PIEZO2: variants seen among roughly 807,000 people sequenced by gnomAD.
PIEZO2 encodes the protein piezo-type mechanosensitive ion channel component 2.
In PIEZO2, 172 loss-of-function variants were observed where a neutral mutation model predicts 337.3. The observed-to-expected ratio is 0.51, with a 90% confidence interval of 0.45 to 0.58. The LOEUF (loss-of-function observed/expected upper bound fraction) is 0.58. PIEZO2 is among the 20% of genes least tolerant of loss of function. PIEZO2 has a pLI of 0.00. For synonymous variants in PIEZO2, 1,251 were observed against 1,228.5 expected (o/e 1.02, Z -0.38); for missense variants, 3,028 against 3,391.3 (o/e 0.89, Z 2.66).
Position 10,929,981 on chromosome 18 carries a change from A to G in PIEZO2, c.287-18753T>C, listed in dbSNP as rs1043480511. On this transcript the variant is annotated intron_variant, in intron 3 of 55. Transcript: ENST00000674853. The surrounding 1 kb of genome is among the most constrained non-coding windows in gnomAD (Gnocchi z 5.6). ...CTTTGGAGTTGAGGCACCACGGACCAGCATTAACATTAAAACAGAGATCCT... is the reference window on the plus strand; with the variant it reads ...CTTTGGAGTTGAGGCACCACGGACCGGCATTAACATTAAAACAGAGATCCT... Among the ~76,000 whole-genome samples the G allele has an allele frequency of 5.9e-5, 9 of 152,220 alleles. No homozygotes were observed. Among genetic ancestry groups the G allele is most frequent in the African/African-American group, 2.2e-4 (9 of 41,458 alleles).
At chr18:10,825,550 CTTTT>C (rs57159292) in intron 7 of PIEZO2, among the ~76,000 whole-genome samples, 9 of 113,824 alleles carry the variant, frequency 7.9e-5, no homozygotes, top group Non-Finnish European at 1.4e-4. Flanking sequence ...TCCTTTCTTC[CTTTT>C]TTTTTTTTTT....
chr18:10,972,470 A>G (rs1354006130), intron 3 of PIEZO2, among the ~76,000 whole-genome samples: 1 of 152,114 alleles, frequency 6.6e-6, no homozygotes, highest in Non-Finnish European at 1.5e-5. Context: ...GGGCAGGTGG[A>G]GTGAGAGACT....
At chr18:10,756,254 G>A (rs1006547333) in intron 27 of PIEZO2, among the ~76,000 whole-genome samples, 7 of 150,242 alleles carry the variant, frequency 4.7e-5, no homozygotes, top group Non-Finnish European at 8.9e-5. Flanking sequence ...AGGGATAAAG[G>A]ATGAGAATGA....
intron 3 of PIEZO2, among the ~76,000 whole-genome samples, chr18:10,955,820 T>C (rs1224101989): frequency 6.6e-6 from 1 of 152,236 alleles, no homozygotes; most frequent in Non-Finnish European, 1.5e-5. Context: ...TTATATGTTT[T>C]CCACATTATA....
intron 14 of PIEZO2, among the ~76,000 whole-genome samples, chr18:10,790,698 A>G (rs2039378462): frequency 2.1e-5 from 3 of 141,876 alleles, no homozygotes; most frequent in Non-Finnish European, 3.0e-5. Context: ...GTGAGGATCA[A>G]ATGGCACTTT....
rs1440317609 is a variant in PIEZO2, at chr18:10,681,581, T to C, written c.7779+80A>G. ...TCCTCCTTCCCACCACCTCAGGCCATGGCAAAGCATTAAATGACAATGAGT... is the reference window on the plus strand; with the variant it reads ...TCCTCCTTCCCACCACCTCAGGCCACGGCAAAGCATTAAATGACAATGAGT... On this transcript the variant is annotated intron_variant, in intron 51 of 55. Coordinates refer to ENST00000674853, the MANE Select transcript of PIEZO2 (RefSeq NM_001378183.1). The C allele has an allele frequency of 2.7e-5, 33 of 1,218,782 alleles. No individual in the cohort carries two copies. The South Asian group carries it at 3.0e-4, about 11-fold the overall frequency. The allele number at this position is 1,218,782 out of a possible 1,614,324, so 75.5% of individuals were successfully genotyped here.
rs1053698142 is a variant in PIEZO2 at position 10,707,885 on chromosome 18, A to G, written c.5588+390T>C. 5.8e-4 allele frequency among the ~76,000 whole-genome samples: 89 copies of G among 152,340 alleles called. 1 individual carries two copies. Among genetic ancestry groups the G allele is most frequent in the African/African-American group, 2.1e-3 (88 of 41,574 alleles). ...CCTACTGCATGCATCTTTTGATTACATCAAGAGAAGAAGTTTTCTACCTTT... is the reference window on the plus strand; with the variant it reads ...CCTACTGCATGCATCTTTTGATTACGTCAAGAGAAGAAGTTTTCTACCTTT... On this transcript the variant is annotated intron_variant, in intron 40 of 55. Coordinates refer to ENST00000674853, the MANE Select transcript of PIEZO2 (RefSeq NM_001378183.1). The surrounding 1 kb of genome is among the most constrained non-coding windows in gnomAD (Gnocchi z 4.2).
intron 1 of PIEZO2, among the ~76,000 whole-genome samples, chr18:11,108,591 G>A (rs1341778009): frequency 1.5e-5 from 2 of 136,728 alleles, no homozygotes; most frequent in Non-Finnish European, 3.1e-5. Context: ...TCCAGCCTGG[G>A]CAACAGAGCC....
chr18:10,725,090 C>G (rs868407156), intron 36 of PIEZO2: 2 of 1,497,312 alleles, frequency 1.3e-6, no homozygotes, highest in Middle Eastern at 1.7e-4. Context: ...TTCTTTCAGT[C>G]GCATTACACC....
chr18:10,724,542 A>G lies in PIEZO2; in HGVS notation c.5030-6283T>C. ...CACACCCACTCATGCTGGTCTCCAC[A>G]TACCCTTCTGTGTCCCCAGAAGTCG... On this transcript the variant is annotated intron_variant, in intron 36 of 55. Coordinates refer to ENST00000674853, the MANE Select transcript of PIEZO2 (RefSeq NM_001378183.1). This position sits in a 1 kb window ranked among gnomAD's most constrained non-coding sequence, Gnocchi z 5.8. 1.9e-6 allele frequency: 1 copy of G among 536,458 alleles called. No homozygotes were observed. Among genetic ancestry groups the G allele is most frequent in the Non-Finnish European group, 3.4e-6 (1 of 297,744 alleles). The allele number at this position is 536,458 out of a possible 1,614,324, so 33.2% of individuals were successfully genotyped here. A position where few individuals can be genotyped will look rare whatever the true frequency, so the allele number is the denominator to read the frequency against.
chr18:10,964,802 T>C (rs932768107), intron 3 of PIEZO2, among the ~76,000 whole-genome samples: 7 of 152,230 alleles, frequency 4.6e-5, no homozygotes, highest in African/African-American at 1.7e-4. Context: ...CTGCTTTCTG[T>C]CCTTATGGAC....
At chr18:11,061,119 G>A (rs972459687) in intron 2 of PIEZO2, among the ~76,000 whole-genome samples, 18 of 152,120 alleles carry the variant, frequency 1.2e-4, no homozygotes, top group Admixed American at 3.3e-4. Flanking sequence ...ATCAATAAAC[G>A]TAATCCAGCA....
At position 11,028,755 on chromosome 18, in the gene PIEZO2, T is replaced by C. The variant is rs2036626864; in HGVS notation, c.160+37372A>G. Among the ~76,000 whole-genome samples, 1 of 152,210 alleles carries C rather than the reference T, an allele frequency of 6.6e-6. No individual in the cohort carries two copies. Among genetic ancestry groups the C allele is most frequent in the Admixed American group, 6.5e-5 (1 of 15,284 alleles). The stretch of plus-strand genomic sequence containing the variant: ...AATCTGATCAGGTCTGAATAATACA[T>C]GGCCAGCCAGCGTTGGCCATGGTGC... On this transcript the variant is annotated intron_variant, in intron 2 of 55. Transcript: ENST00000674853. This position sits in a 1 kb window ranked among gnomAD's most constrained non-coding sequence, Gnocchi z 4.8.
rs1351823478 is a variant in PIEZO2, at chr18:10,790,849, C to G, written c.1882+352G>C. On this transcript the variant is annotated intron_variant, in intron 14 of 55. Coordinates refer to ENST00000674853, the MANE Select transcript of PIEZO2 (RefSeq NM_001378183.1). ...CCTCCTGAGTAGCTGGGACTACAGGCGCCCACCACTACGCCCGGCTAGTTT... is the reference window on the plus strand; with the variant it reads ...CCTCCTGAGTAGCTGGGACTACAGGGGCCCACCACTACGCCCGGCTAGTTT... Among the ~76,000 whole-genome samples the G allele has an allele frequency of 2.0e-5, 3 of 152,028 alleles. No homozygotes were observed. The South Asian group carries it at 6.2e-4, about 32-fold the overall frequency.
rs1057481915 is a variant in PIEZO2, at chr18:10,954,843, T to C, written c.286+24692A>G. 2.0e-5 allele frequency among the ~76,000 whole-genome samples: 3 copies of C among 152,214 alleles called. No homozygotes were observed. The highest frequency in any genetic ancestry group is 4.8e-5 in the African/African-American group (2 of 41,452). On this transcript the variant is annotated intron_variant, in intron 3 of 55. Transcript: ENST00000674853. The surrounding 1 kb of genome is among the most constrained non-coding windows in gnomAD (Gnocchi z 4.2). ...AAGGCCTTCTTCTCTCATTTCTCTC[T>C]GATGTTAGTAATGTTTTCCTTGATC...
Position 10,677,358 on chromosome 18 carries a change from C to CTGTGCACATCCCAAGT in PIEZO2, c.8081+388_8081+389insACTTGGGATGTGCACA. 6.6e-6 allele frequency among the ~76,000 whole-genome samples: 1 copy of CTGTGCACATCCCAAGT among 152,116 alleles called. No individual in the cohort carries two copies. Among genetic ancestry groups the CTGTGCACATCCCAAGT allele is most frequent in the African/African-American group, 2.4e-5 (1 of 41,420 alleles). The stretch of plus-strand genomic sequence containing the variant: ...TCAGGCTCCCAAGTAGCTGGGAGTA[C>CTGTGCACATCCCAAGT]AGATGTGCACCACCACGCTTAGCTA... On this transcript the variant is annotated intron_variant, in intron 53 of 55. Transcript: ENST00000674853. This position sits in a 1 kb window ranked among gnomAD's most constrained non-coding sequence, Gnocchi z 4.1.
In PIEZO2 at chr18:10,789,156, CGAA is replaced by C; in HGVS notation, c.2089_2091del (p.Phe697del). On this transcript the variant is annotated inframe_deletion, in exon 15 of 56. Coordinates refer to ENST00000674853, the MANE Select transcript of PIEZO2 (RefSeq NM_001378183.1). Reference sequence around the variant, plus strand: ...ATTACGATTTTACCCTCGAAGCTGACGAAGAAGAACATGCCTCCGCAGACGTAG... The same window carrying C: ...ATTACGATTTTACCCTCGAAGCTGACGAAGAACATGCCTCCGCAGACGTAG... The C allele has an allele frequency of 2.6e-6, 4 of 1,537,262 alleles. No homozygotes were observed. Among genetic ancestry groups the C allele is most frequent in the South Asian group, 1.2e-5 (1 of 84,058 alleles).
Position 11,148,750 on chromosome 18 carries a change from A to T in PIEZO2, c.-162T>A. Reference sequence around the variant, plus strand: ...CCGCGACGCTCTCCGCCCCGAGGGCACGCTCCCGGGGCTCTTGGCCGCCCC... The same window carrying T: ...CCGCGACGCTCTCCGCCCCGAGGGCTCGCTCCCGGGGCTCTTGGCCGCCCC... On this transcript the variant is annotated 5_prime_UTR_variant, in exon 1 of 56. Transcript: ENST00000674853. The surrounding 1 kb of genome is among the most constrained non-coding windows in gnomAD (Gnocchi z 5.2). The T allele has an allele frequency of 1.4e-6, 1 of 698,466 alleles. No individual in the cohort carries two copies. 43.3% of individuals were successfully genotyped at this position (698,466 alleles called of 1,614,324 possible). A position where few individuals can be genotyped will look rare whatever the true frequency, so the allele number is the denominator to read the frequency against.
Position 10,758,129 on chromosome 18 carries a change from A to C in PIEZO2, c.3763T>G (p.Phe1255Val). 1 of 1,537,488 alleles carries C rather than the reference A, an allele frequency of 6.5e-7. No individual in the cohort carries two copies. Among genetic ancestry groups the C allele is most frequent in the Non-Finnish European group, 8.7e-7 (1 of 1,146,828 alleles). The change falls in exon 27 of 56, where the codon TTC becomes GTC. Residue 1255 changes from phenylalanine to valine, a missense_variant. This residue lies in a region of PIEZO2 where 1,925 missense variants were observed against 2,051.9 expected (regional missense o/e 0.94). Coordinates refer to ENST00000674853, the MANE Select transcript of PIEZO2 (RefSeq NM_001378183.1). ...AAGGAGGCACACAGAAGCAGCATGA[A>C]GTCATCTAACAAGACAGAGGTGAGA... ...RPNPVFLVYD[F>V]MLLLCASLQR...
Sources: gnomAD v4.1 joint callset for allele counts (sites outside exome capture counted in the v4.1 genomes callset) on GRCh38, gnomAD v4.1.1 for gene constraint, gnomAD v4.1.1 regional missense constraint, Gnocchi (gnomAD v3.1) non-coding constraint, MANE v1.5 for transcripts, NCBI Gene and HGNC (gene_info 2026-07-23, HGNC 2026-07-21) for gene names.